CALCB: variants seen among roughly 807,000 people sequenced by gnomAD.
CALCB encodes the protein calcitonin gene-related peptide 2.
A neutral mutation model predicts 10.7 loss-of-function variants in CALCB; 8 were observed. The observed-to-expected ratio is 0.75, with a 90% CI of 0.44 to 1.34. The LOEUF is 1.34. CALCB is among the 40% of genes most tolerant of loss of function. The pLI is 0.01. For synonymous variants in CALCB, 76 were observed against 66.9 expected (o/e 1.14, Z -0.66); for missense variants, 176 against 162.5 (o/e 1.08, Z -0.45).
At position 15,078,459 on chromosome 11, in the gene CALCB, G is replaced by T. The variant is rs1850415046; in HGVS notation, c.*402G>T. ...GCTGTGCCTTGTTATCTAAGAACAT[G>T]ATTGTATAATTTGTTTAAGAAAATG... is the stretch of plus-strand genomic sequence containing the variant. On this transcript the variant is annotated 3_prime_UTR_variant, in exon 5 of 5. Transcript: ENST00000324229. 6.6e-6 allele frequency: 1 copy of T among 152,120 alleles called. No individual in the cohort carries two copies. Among genetic ancestry groups the T allele is most frequent in the Non-Finnish European group, 1.5e-5 (1 of 68,020 alleles). The allele number at this position is 152,120 out of a possible 1,614,324, so 9.4% of individuals were successfully genotyped here.
chr11:15,075,134 G>T lies in CALCB; in HGVS notation c.160G>T (p.Val54Leu). ...EDARLLLAAL[V>L]QDYVQMKASE... ...CGCGCGCCTCCTGCTGGCTGCACTGGTGCAGGACTATGTGCAGATGAAGGC... is the reference window on the plus strand; with the variant it reads ...CGCGCGCCTCCTGCTGGCTGCACTGTTGCAGGACTATGTGCAGATGAAGGC... Residue 54 changes from valine to leucine, a missense_variant, in exon 3 of 5, where the codon GTG becomes TTG. By Grantham distance (32) the Val-to-Leu change is conservative (BLOSUM62 1). Coordinates refer to ENST00000324229, the MANE Select transcript of CALCB (RefSeq NM_000728.4). The T allele has an allele frequency of 6.2e-7, 1 of 1,614,186 alleles. No individual in the cohort carries two copies. Among genetic ancestry groups the T allele is most frequent in the Non-Finnish European group, 8.5e-7 (1 of 1,180,004 alleles).
In CALCB at chr11:15,077,489, T is replaced by C. The variant is rs770414596; in HGVS notation, c.*25+19T>C. The C allele has an allele frequency of 1.2e-6, 2 of 1,610,064 alleles. No individual in the cohort carries two copies. The highest frequency in any genetic ancestry group is 2.2e-5 in the East Asian group (1 of 44,826). On this transcript the variant is annotated intron_variant, in intron 4 of 4. Transcript: ENST00000324229. ...GAAGAAGGTAACTACCCTAATGCTA[T>C]GGGATAAGAGGGGGAAGGGACTTGG...
rs773505453 is a variant in CALCB at position 15,075,170 on chromosome 11, A to G, written c.196A>G (p.Lys66Glu). The change falls in exon 3 of 5, where the codon AAG (lysine) becomes GAG (glutamate). Residue 66 changes from lysine to glutamate, a missense_variant. Physicochemically the swap from Lys to Glu is moderately conservative, Grantham distance 56 (BLOSUM62 1). Transcript: ENST00000324229. ...DYVQMKASEL[K>E]QEQETQGSSS... ...TGTGCAGATGAAGGCCAGTGAGCTGAAGCAGGAGCAGGAGACACAGGGCTC... is the reference window on the plus strand; with the variant it reads ...TGTGCAGATGAAGGCCAGTGAGCTGGAGCAGGAGCAGGAGACACAGGGCTC... 3 of 1,614,176 alleles carry G rather than the reference A, an allele frequency of 1.9e-6. No individual in the cohort carries two copies. Among genetic ancestry groups the G allele is most frequent in the East Asian group, 2.2e-5 (1 of 44,874 alleles).
intron 3 of CALCB, 53 bp downstream of exon 3, chr11:15,075,251 A>G: frequency 6.2e-7 from 1 of 1,612,114 alleles, no homozygotes; most frequent in Non-Finnish European, 8.5e-7. Context: ...CAGCATACAC[A>G]GGAAGGTGGA....
At chr11:15,077,182 T>C in intron 3 of CALCB, 104 bp from the exon 4 acceptor site, 1 of 1,240,124 alleles carries the variant, frequency 8.1e-7, no homozygotes. Context: ...GAGAAACACT[T>C]ACTGTTAGGT....
At chr11:15,076,089 G>T (rs762402446) in intron 3 of CALCB, among the ~76,000 whole-genome samples, 8 of 152,128 alleles carry the variant, frequency 5.3e-5, no homozygotes, top group Non-Finnish European at 8.8e-5. Flanking sequence ...CATGTCCCCT[G>T]CCTGGTCCAA....
chr11:15,074,707 C>T lies in CALCB; in HGVS notation c.-9-3C>T, dbSNP rs181580047. On this transcript the variant is annotated splice_region_variant and splice_polypyrimidine_tract_variant and intron_variant, in intron 1 of 4. Coordinates refer to ENST00000324229, the MANE Select transcript of CALCB (RefSeq NM_000728.4). ...CAGTAGTAACGTCATCCTTCCTTTA[C>T]AGAGAGGCGGCATGGGTTTCCGGAA... 1.2e-6 allele frequency: 2 copies of T among 1,611,276 alleles called. No homozygotes were observed. The highest frequency in any genetic ancestry group is 1.1e-5 in the South Asian group (1 of 90,902).
intron 3 of CALCB, 115 bp downstream of exon 3, chr11:15,075,313 G>C: frequency 6.5e-7 from 1 of 1,543,502 alleles, no homozygotes; most frequent in Non-Finnish European, 8.8e-7. Flanking sequence ...AAGCTGATTT[G>C]TCCAGCAGGC....
At position 15,077,412 on chromosome 11, in the gene CALCB, C is replaced by T. The variant is rs1404856361; in HGVS notation, c.351C>T (p.Ala117=). ...NFVPTNVGSK[A]FGRRRRDLQA is the part of the protein sequence containing the mutation. ...TGCCCACCAATGTGGGTTCCAAAGC[C>T]TTTGGCAGGCGCCGCAGGGACCTTC... is the stretch of plus-strand genomic sequence containing the variant. Residue 117 remains alanine, a synonymous_variant, in exon 4 of 5, where the codon GCC becomes GCT. Transcript: ENST00000324229. 2 of 1,614,232 alleles carry T rather than the reference C, an allele frequency of 1.2e-6. No individual in the cohort carries two copies. Among genetic ancestry groups the T allele is most frequent in the South Asian group, 2.2e-5 (2 of 91,086 alleles).
At chr11:15,076,909 T>G (rs542739893) in intron 3 of CALCB, among the ~76,000 whole-genome samples, 1 of 152,258 alleles carries the variant, frequency 6.6e-6, no homozygotes, top group African/African-American at 2.4e-5. Flanking sequence ...TCTGAAGACT[T>G]TAGGGAATTT....
intron 4 of CALCB, 81 bp downstream of exon 4, chr11:15,077,551 A>G: frequency 1.5e-6 from 2 of 1,354,770 alleles, no homozygotes; most frequent in Non-Finnish European, 2.0e-6. Flanking sequence ...CTGCTCTGGT[A>G]GGTTCTTTAG....
chr11:15,074,938 C>G, intron 2 of CALCB, 123 bp from the exon 3 acceptor site: 1 of 1,426,844 alleles, frequency 7.0e-7, no homozygotes, highest in Non-Finnish European at 9.8e-7. Context: ...ATGCCCGTCC[C>G]CTGGGAGTCG....
intron 2 of CALCB, 66 bp from the exon 3 acceptor site, chr11:15,074,995 C>T: frequency 6.3e-7 from 1 of 1,588,952 alleles, no homozygotes; most frequent in East Asian, 2.2e-5. Flanking sequence ...GGAAGCCTGG[C>T]TGCCTATCCT....
chr11:15,075,700 G>C (rs1850388235), intron 3 of CALCB, among the ~76,000 whole-genome samples: 1 of 152,210 alleles, frequency 6.6e-6, no homozygotes, highest in Admixed American at 6.5e-5. Context: ...TGAAGCCCTT[G>C]CAGGGGGTGG....
In CALCB at chr11:15,077,809, A is replaced by G. The variant is rs1363506881; in HGVS notation, c.*26-274A>G. 4.6e-5 allele frequency among the ~76,000 whole-genome samples: 7 copies of G among 152,360 alleles called. No individual in the cohort carries two copies. The East Asian group carries it at 1.3e-3, about 29-fold the overall frequency. On this transcript the variant is annotated intron_variant, in intron 4 of 4. Coordinates refer to ENST00000324229, the MANE Select transcript of CALCB (RefSeq NM_000728.4). ...CTACAGATTCAGGTGGATAAGCTGT[A>G]ATCATAACCTACTACCAAGATTAAT...
rs1850383466 is a variant in CALCB, at chr11:15,075,202, A to C, written c.224+4A>C. On this transcript the variant is annotated splice_donor_region_variant and intron_variant, in intron 3 of 4. Transcript: ENST00000324229. ...AGCAGGAGACACAGGGCTCCAGGTGAGGTTCCCCAAGCGCCCAGCACAGGG... is the reference window on the plus strand; with the variant it reads ...AGCAGGAGACACAGGGCTCCAGGTGCGGTTCCCCAAGCGCCCAGCACAGGG... 1 of 1,613,888 alleles carries C rather than the reference A, an allele frequency of 6.2e-7. No individual in the cohort carries two copies. The highest frequency in any genetic ancestry group is 8.5e-7 in the Non-Finnish European group (1 of 1,180,024).
chr11:15,074,810 A>C lies in CALCB; in HGVS notation c.86+6A>C. 6.2e-7 allele frequency: 1 copy of C among 1,611,678 alleles called. No homozygotes were observed. Among genetic ancestry groups the C allele is most frequent in the Non-Finnish European group, 8.5e-7 (1 of 1,178,686 alleles). On this transcript the variant is annotated splice_donor_region_variant and intron_variant, in intron 2 of 4. Transcript: ENST00000324229. Reference sequence around the variant, plus strand: ...CTCCAGGCGGCGCCATTCAGGTGAGACAGCCTGGAGCCAGAGGCGCCTTCT... The same window carrying C: ...CTCCAGGCGGCGCCATTCAGGTGAGCCAGCCTGGAGCCAGAGGCGCCTTCT...
chr11:15,074,666 T>G, intron 1 of CALCB, 44 bp from the exon 2 acceptor site: 1 of 1,480,392 alleles, frequency 6.8e-7, no homozygotes, highest in South Asian at 1.2e-5. Context: ...GACTGGAACC[T>G]AGATCTGTGC....
At chr11:15,076,015 C>T (rs1372795396) in intron 3 of CALCB, among the ~76,000 whole-genome samples, 1 of 152,146 alleles carries the variant, frequency 6.6e-6, no homozygotes, top group Admixed American at 6.5e-5. Context: ...CACTGACCCT[C>T]TCACCTCTCC....
Sources: allele counts gnomAD v4.1 joint callset (sites outside exome capture counted in the v4.1 genomes callset), GRCh38; gene constraint gnomAD v4.1.1; transcripts MANE v1.5; gene names NCBI Gene and HGNC (gene_info 2026-07-23, HGNC 2026-07-21).